DLG2: variants seen among roughly 807,000 people sequenced by gnomAD.
DLG2 encodes disks large homolog 2.
In DLG2, 45 loss-of-function variants were observed where a neutral mutation model predicts 132.5. That is an observed-to-expected ratio of 0.34 (90% CI 0.27 to 0.44). The LOEUF (loss-of-function observed/expected upper bound fraction) is 0.44, where lower values mean the gene tolerates loss of function less well. Among genes scored for constraint, DLG2 ranks in the 20% least tolerant of loss-of-function variants. The probability of loss-of-function intolerance (pLI) is 1.00; values close to 1 mark genes in which losing one functional copy is unlikely to be tolerated. For synonymous variants in DLG2, 424 were observed against 419.6 expected, an observed-to-expected ratio of 1.01 and a Z score of -0.13; for missense variants, 1,045 against 1,196.9, an observed-to-expected ratio of 0.87 and a Z score of 1.87.
intron 6 of DLG2, among the ~76,000 whole-genome samples, chr11:85,066,003 A>C (rs961884142): frequency 6.6e-6 from 1 of 151,544 alleles, no homozygotes; most frequent in African/African-American, 2.4e-5. Flanking sequence ...ATGCAATACA[A>C]CTTTTCACAA....
intron 7 of DLG2, among the ~76,000 whole-genome samples, chr11:84,505,250 A>T (rs2099235665): frequency 1.3e-5 from 2 of 152,164 alleles, no homozygotes; most frequent in African/African-American, 4.8e-5. Context: ...TAATAAGTGA[A>T]ATGTAAATTT....
intron 18 of DLG2, chr11:83,651,892 T>C (rs1423624610): frequency 8.5e-6 from 4 of 471,022 alleles, no homozygotes; most frequent in African/African-American, 2.0e-5. Flanking sequence ...GTCTTCTGGC[T>C]AGAAGAAGCC....
intron 3 of DLG2, chr11:85,452,350 T>C (rs541959578): frequency 2.5e-4 from 38 of 152,818 alleles, no homozygotes; most frequent in African/African-American, 8.2e-4. Context: ...CTCCCTTCCA[T>C]ATCCTCACTG....
intron 6 of DLG2, among the ~76,000 whole-genome samples, chr11:84,670,602 C>T (rs1204253298): frequency 6.6e-6 from 1 of 152,078 alleles, no homozygotes; most frequent in Non-Finnish European, 1.5e-5. Context: ...ATTCAAACAA[C>T]AATACAAACC....
intron 3 of DLG2, among the ~76,000 whole-genome samples, chr11:85,577,618 G>C (rs1331428724): frequency 1.3e-5 from 2 of 151,996 alleles, no homozygotes; most frequent in East Asian, 3.9e-4. Flanking sequence ...ACAAGTCAGG[G>C]ATACAGATAT....
chr11:85,360,192 AAACAAGGGTT>A (rs1300334202), intron 3 of DLG2, among the ~76,000 whole-genome samples: 3 of 152,196 alleles, frequency 2.0e-5, no homozygotes, highest in African/African-American at 7.2e-5. Context: ...TCAGTTTAGA[AAACAAGGGTT>A]TTAAAATAAA....
chr11:85,513,060 A>G (rs890905527), intron 3 of DLG2, among the ~76,000 whole-genome samples: 1 of 152,100 alleles, frequency 6.6e-6, no homozygotes, highest in African/African-American at 2.4e-5. Flanking sequence ...ATGCAGCTGG[A>G]GGCCATTATT....
chr11:85,086,940 T>C (rs2068011950), intron 6 of DLG2, among the ~76,000 whole-genome samples: 1 of 152,200 alleles, frequency 6.6e-6, no homozygotes, highest in Non-Finnish European at 1.5e-5. Context: ...GCTTAGTACA[T>C]GTATATGTCT....
intron 3 of DLG2, among the ~76,000 whole-genome samples, chr11:85,460,444 C>T (rs115538211): frequency 0.022 from 3,385 of 152,312 alleles, 123 homozygotes; most frequent in African/African-American, 0.076. Flanking sequence ...CTCTCACTCA[C>T]TCACAATTTC....
intron 3 of DLG2, among the ~76,000 whole-genome samples, chr11:85,345,634 C>G (rs991035074): frequency 2.0e-5 from 3 of 152,180 alleles, no homozygotes; most frequent in Admixed American, 2.0e-4. Context: ...CAAGACCTTT[C>G]ATATTCCCAT....
intron 6 of DLG2, among the ~76,000 whole-genome samples, chr11:84,586,316 A>T (rs2099529827): frequency 6.6e-6 from 1 of 152,190 alleles, no homozygotes; most frequent in Non-Finnish European, 1.5e-5. Flanking sequence ...TTATATCATG[A>T]TCTTCTTTAA....
At chr11:84,107,269 C>T (rs2093031150) in intron 9 of DLG2, among the ~76,000 whole-genome samples, 1 of 151,906 alleles carries the variant, frequency 6.6e-6, no homozygotes, top group Non-Finnish European at 1.5e-5. Context: ...TACTTAATTT[C>T]ATGTAGTATA....
chr11:84,195,656 A>G (rs960127415), intron 8 of DLG2, among the ~76,000 whole-genome samples: 1 of 152,218 alleles, frequency 6.6e-6, no homozygotes, highest in Non-Finnish European at 1.5e-5. Flanking sequence ...AAATTGGGAT[A>G]AAAATCCATA....
chr11:85,617,257 A>C (rs2081399985), intron 2 of DLG2, among the ~76,000 whole-genome samples: 1 of 152,200 alleles, frequency 6.6e-6, no homozygotes, highest in African/African-American at 2.4e-5. Context: ...ATAACACAGG[A>C]TGTGATTATA....
At chr11:83,596,450 T>A (rs1282667228) in intron 19 of DLG2, among the ~76,000 whole-genome samples, 1 of 152,198 alleles carries the variant, frequency 6.6e-6, no homozygotes, top group African/African-American at 2.4e-5. Context: ...TTTATTCCCA[T>A]TGCCTGTGCT....
At chr11:85,454,055 G>A (rs1008691659) in intron 3 of DLG2, among the ~76,000 whole-genome samples, 1 of 151,590 alleles carries the variant, frequency 6.6e-6, no homozygotes, top group African/African-American at 2.4e-5. Context: ...CAGGATAATG[G>A]TCTCTAGCTC....
At chr11:84,568,043 GC>G (rs1179859166) in intron 6 of DLG2, among the ~76,000 whole-genome samples, 4 of 152,150 alleles carry the variant, frequency 2.6e-5, no homozygotes, top group Non-Finnish European at 5.9e-5. Context: ...ATTCCAAGAT[GC>G]TTCTCAGGAA....
chr11:83,856,142 C>A (rs891437270), intron 16 of DLG2, among the ~76,000 whole-genome samples: 15 of 152,084 alleles, frequency 9.9e-5, no homozygotes, highest in Admixed American at 7.9e-4. Flanking sequence ...CAGCTCCATC[C>A]ATATTCTTGC....
intron 21 of DLG2, among the ~76,000 whole-genome samples, chr11:83,520,678 G>T (rs1382136935): frequency 6.7e-6 from 1 of 149,344 alleles, no homozygotes; most frequent in Non-Finnish European, 1.5e-5. Context: ...AAGAAAGACA[G>T]ACAGGTAAGT....
Sources: gnomAD v4.1 joint callset for allele counts (sites outside exome capture counted in the v4.1 genomes callset) on GRCh38, gnomAD v4.1.1 for gene constraint, MANE v1.5 for transcripts, NCBI Gene and HGNC (gene_info 2026-07-23, HGNC 2026-07-21) for gene names.